The following CFAP58 variants were observed in gnomAD, a reference collection of about 807,000 sequenced individuals.
CFAP58 encodes cilia- and flagella-associated protein 58.
In CFAP58, 88 loss-of-function variants were observed where a neutral mutation model predicts 119.5. The ratio of observed to expected loss-of-function variants is 0.74; its 90% CI spans 0.62 to 0.88. The LOEUF (loss-of-function observed/expected upper bound fraction) is 0.88, where lower values mean the gene tolerates loss of function less well. Among genes scored for constraint, CFAP58 ranks in the 40% least tolerant of loss-of-function variants. CFAP58 has a pLI of 0.00. For missense variants in CFAP58, 990 were observed against 1,021.2 expected (o/e 0.97, Z 0.42); for synonymous variants, 365 against 366.3 (o/e 1.00, Z 0.04).
At chr10:104,383,233 A>G (rs1163413906) in intron 9 of CFAP58, among the ~76,000 whole-genome samples, 1 of 152,154 alleles carries the variant, frequency 6.6e-6, no homozygotes, top group Non-Finnish European at 1.5e-5. Context: ...GTCACTTCGT[A>G]CTTTTATGGA....
intron 1 of CFAP58, among the ~76,000 whole-genome samples, chr10:104,357,885 A>G (rs2014581706): frequency 8.3e-6 from 1 of 120,322 alleles, no homozygotes; most frequent in Non-Finnish European, 1.7e-5. Context: ...ATGTACACAT[A>G]TATAAACATA....
chr10:104,413,750 A>ATCATC (rs201259685), intron 15 of CFAP58, among the ~76,000 whole-genome samples: 2 of 150,814 alleles, frequency 1.3e-5, no homozygotes, highest in African/African-American at 5.0e-5. Flanking sequence ...CATCATCATC[A>ATCATC]AGATGGCATT....
At chr10:104,438,633 C>T (rs2012984646) in intron 15 of CFAP58, among the ~76,000 whole-genome samples, 1 of 152,126 alleles carries the variant, frequency 6.6e-6, no homozygotes, top group Non-Finnish European at 1.5e-5. Flanking sequence ...CCTCGGCCTC[C>T]CAAAGTGCTG....
intron 15 of CFAP58, among the ~76,000 whole-genome samples, chr10:104,437,078 T>C (rs1241262557): frequency 3.9e-5 from 6 of 152,250 alleles, no homozygotes; most frequent in Non-Finnish European, 8.8e-5. Flanking sequence ...ATCTTGGCTC[T>C]AACACTTTCT....
At position 104,438,344 on chromosome 10, in the gene CFAP58, TTTTG is replaced by T. The variant is rs1288994348; in HGVS notation, c.2257-9350_2257-9347del. Reference sequence around the variant, plus strand: ...TTTTATTGTTTTTTTGTTTTTTGTTTTTTGTTTTTTTTTTTTGTTTTTTTTTTTT... The same window carrying T: ...TTTTATTGTTTTTTTGTTTTTTGTTTTTTTTTTTTTTTGTTTTTTTTTTTT... On this transcript the variant is annotated intron_variant, in intron 15 of 17. Coordinates refer to ENST00000369704, the MANE Select transcript of CFAP58 (RefSeq NM_001008723.2). 1.8e-3 allele frequency among the ~76,000 whole-genome samples: 128 copies of T among 71,434 alleles called. 4 individuals are homozygous for T. The highest frequency in any genetic ancestry group is 8.6e-3 in the African/African-American group (115 of 13,444). The allele number at this position is 71,434 out of a possible 152,430, so 46.9% of individuals were successfully genotyped here. A position where few individuals can be genotyped will look rare whatever the true frequency, so the allele number is the denominator to read the frequency against.
intron 8 of CFAP58, among the ~76,000 whole-genome samples, chr10:104,377,449 C>G (rs1233337561): frequency 2.0e-5 from 3 of 152,322 alleles, no homozygotes; most frequent in Admixed American, 2.0e-4. Context: ...AGGCAGAGAT[C>G]TGAAGATTCT....
the CFAP58 span, among the ~76,000 whole-genome samples, chr10:104,348,279 A>G: frequency 4.6e-5 from 7 of 152,340 alleles, no homozygotes; most frequent in South Asian, 1.4e-3. Flanking sequence ...TTTGCATTAC[A>G]GGCTAGGAAT....
chr10:104,354,908 A>G (rs1301711351), intron 1 of CFAP58, among the ~76,000 whole-genome samples: 1 of 142,214 alleles, frequency 7.0e-6, no homozygotes. Context: ...CCCCCTCCCC[A>G]CCCCATTCTA....
At chr10:104,343,934 G>C in the CFAP58 span, among the ~76,000 whole-genome samples, 4 of 152,094 alleles carry the variant, frequency 2.6e-5, no homozygotes, top group Non-Finnish European at 4.4e-5. Context: ...GCAGAGATAG[G>C]GTCTCAGTAT....
chr10:104,392,193 G>A, intron 9 of CFAP58, 40 bp from the exon 10 acceptor site: 1 of 1,505,110 alleles, frequency 6.6e-7, no homozygotes, highest in Non-Finnish European at 8.7e-7. Context: ...AAGCACAGAT[G>A]GGCTATTTAA....
At chr10:104,404,671 G>A (rs1024225071) in intron 14 of CFAP58, among the ~76,000 whole-genome samples, 6 of 151,948 alleles carry the variant, frequency 3.9e-5, no homozygotes, top group South Asian at 2.1e-4. Context: ...GTGCAGTGGC[G>A]TGATCTCGGC....
Position 104,362,171 on chromosome 10 carries a change from A to C in CFAP58, c.440A>C (p.Asn147Thr), listed in dbSNP as rs776808473. Residue 147 changes from asparagine (N) to threonine (T), a missense_variant and splice_region_variant, in exon 3 of 18, where the codon AAC becomes ACC. Physicochemically the swap from Asn to Thr is moderately conservative, Grantham distance 65. Transcript: ENST00000369704. ...GGACTGTCAATGGACCAGCATAGCAAGTAGGTCATAGCCTTGTTGATGTAT... is the reference window on the plus strand; with the variant it reads ...GGACTGTCAATGGACCAGCATAGCACGTAGGTCATAGCCTTGTTGATGTAT... ...GSGLSMDQHSNIRDLLRFKEE... is the reference protein window; with the variant it reads ...GSGLSMDQHSTIRDLLRFKEE... The C allele has an allele frequency of 6.2e-7, 1 of 1,611,508 alleles. No individual in the cohort carries two copies. Among genetic ancestry groups the C allele is most frequent in the Non-Finnish European group, 8.5e-7 (1 of 1,178,902 alleles).
At chr10:104,397,964 A>C (rs1172477722) in intron 11 of CFAP58, among the ~76,000 whole-genome samples, 1 of 152,130 alleles carries the variant, frequency 6.6e-6, no homozygotes, top group Non-Finnish European at 1.5e-5. Context: ...TTCCCTACCT[A>C]ACTCTCTAAT....
chr10:104,453,411 C>G (rs2013225134), intron 17 of CFAP58, among the ~76,000 whole-genome samples: 1 of 152,130 alleles, frequency 6.6e-6, no homozygotes, highest in African/African-American at 2.4e-5. Flanking sequence ...CCACATATGC[C>G]CTTAACAAAA....
intron 3 of CFAP58, among the ~76,000 whole-genome samples, chr10:104,362,963 A>C (rs187657892): frequency 6.6e-6 from 1 of 152,274 alleles, no homozygotes; most frequent in African/African-American, 2.4e-5. Flanking sequence ...GCCTTTGTAC[A>C]TGTTGCTTTC....
At position 104,429,346 on chromosome 10, in the gene CFAP58, C is replaced by T. The variant is rs113701046; in HGVS notation, c.2257-18352C>T. On this transcript the variant is annotated intron_variant, in intron 15 of 17. Transcript: ENST00000369704. ...GGCAGAGAGCAAAGGAGTGAGCGAG[C>T]CTGCATTCAGACAGGGAGACCATGG... 7.0e-3 allele frequency among the ~76,000 whole-genome samples: 1,071 copies of T among 152,140 alleles called. 5 individuals are homozygous for T. Among genetic ancestry groups the T allele is most frequent in the Middle Eastern group, 0.017 (5 of 294 alleles).
At chr10:104,340,443 T>G in the CFAP58 span, among the ~76,000 whole-genome samples, 1 of 152,248 alleles carries the variant, frequency 6.6e-6, no homozygotes, top group African/African-American at 2.4e-5. Flanking sequence ...GTATGCTCAG[T>G]CTTCCTGTCT....
intron 9 of CFAP58, among the ~76,000 whole-genome samples, chr10:104,387,575 C>T (rs972330307): frequency 6.6e-6 from 1 of 152,138 alleles, no homozygotes; most frequent in Admixed American, 6.5e-5. Context: ...AGGATTACAG[C>T]AGTTTTTATC....
intron 15 of CFAP58, among the ~76,000 whole-genome samples, chr10:104,415,720 C>T (rs1413098368): frequency 1.3e-5 from 2 of 152,172 alleles, no homozygotes; most frequent in African/African-American, 4.8e-5. Flanking sequence ...AGGTAGATCC[C>T]TTTACTCACT....
Sources: allele counts gnomAD v4.1 joint callset (sites outside exome capture counted in the v4.1 genomes callset), GRCh38; gene constraint gnomAD v4.1.1; transcripts MANE v1.5; gene names NCBI Gene and HGNC (gene_info 2026-07-23, HGNC 2026-07-21).